The following NUP98 variants were observed in gnomAD, a reference collection of about 807,000 sequenced individuals.
The protein encoded by NUP98 is nucleoporin 98 and 96 precursor, also known as nuclear pore complex protein Nup98-Nup96.
Under a neutral mutation model 191.9 loss-of-function variants are expected in NUP98, and 26 were observed. The observed-to-expected ratio is 0.14, with a 90% CI of 0.10 to 0.19. The LOEUF (loss-of-function observed/expected upper bound fraction) is 0.19, where lower values mean the gene tolerates loss of function less well. NUP98 is among the 10% of genes least tolerant of loss of function. The pLI, the probability that NUP98 is intolerant of heterozygous loss-of-function variation, is 1.00. For synonymous variants in NUP98, 808 were observed against 778.4 expected (o/e 1.04, Z -0.63); for missense variants, 1,941 against 2,178.8 (o/e 0.89, Z 2.17).
chr11:3,785,123 G>A (rs1240431399), intron 1 of NUP98, among the ~76,000 whole-genome samples: 1 of 151,280 alleles, frequency 6.6e-6, no homozygotes, highest in Non-Finnish European at 1.5e-5. Context: ...GGGCAACACA[G>A]CGAGACTCTG....
intron 30 of NUP98, among the ~76,000 whole-genome samples, chr11:3,680,803 C>T: frequency 6.6e-6 from 1 of 152,108 alleles, no homozygotes; most frequent in East Asian, 1.9e-4. Context: ...TCATCTTGGC[C>T]CCCCAAAGTG....
chr11:3,720,930 A>G, intron 16 of NUP98, 105 bp from the exon 17 acceptor site: 1 of 603,926 alleles, frequency 1.7e-6, no homozygotes. Context: ...GAATTTTCCA[A>G]ACTACTTTTC....
At position 3,731,556 on chromosome 11, in the gene NUP98, G is replaced by C; in HGVS notation, c.1565C>G (p.Ala522Gly). 6.4e-7 allele frequency: 1 copy of C among 1,563,266 alleles called. No individual in the cohort carries two copies. The highest frequency in any genetic ancestry group is 8.7e-7 in the Non-Finnish European group (1 of 1,155,080). Residue 522 changes from alanine (A) to glycine (G), a missense_variant, in exon 14 of 33, where the codon GCA becomes GGA. Coordinates refer to ENST00000324932, the MANE Select transcript of NUP98 (RefSeq NM_016320.5). ...AGGTGTAGTAAGAGCCTTCTGGGCTGCTGGATTTGTTGGTTTCAATCTCTG... is the reference window on the plus strand; with the variant it reads ...AGGTGTAGTAAGAGCCTTCTGGGCTCCTGGATTTGTTGGTTTCAATCTCTG... Reference protein sequence around the residue: ...KEERLKPTNPAAQKALTTPTH... With the variant: ...KEERLKPTNPGAQKALTTPTH...
chr11:3,751,560 T>C (rs970345549), intron 11 of NUP98, among the ~76,000 whole-genome samples: 8 of 152,142 alleles, frequency 5.3e-5, no homozygotes, highest in African/African-American at 1.9e-4. Context: ...TTACCAGCAC[T>C]TACATCTTTT....
intron 11 of NUP98, among the ~76,000 whole-genome samples, chr11:3,745,256 C>T (rs533381002): frequency 1.3e-5 from 2 of 152,330 alleles, no homozygotes; most frequent in East Asian, 3.9e-4. Context: ...TATAGGAAAA[C>T]TAAATCCAAC....
At position 3,683,249 on chromosome 11, in the gene NUP98, A is replaced by C; in HGVS notation, c.4869T>G (p.Ala1623=). The C allele has an allele frequency of 6.2e-7, 1 of 1,614,206 alleles. No individual in the cohort carries two copies. The highest frequency in any genetic ancestry group is 1.1e-5 in the South Asian group (1 of 91,076). The part of the protein sequence containing the change: ...KHLEALCLFK[A]EHWNRCHKLI... ...GCTTGTGGCAGCGGTTCCAGTGCTC[A>C]GCCTTAAATAAGCAAAGGGCCTCTA... The change falls in exon 30 of 33, where the codon GCT becomes GCG. Residue 1623 remains alanine, a synonymous_variant. Coordinates refer to ENST00000324932, the MANE Select transcript of NUP98 (RefSeq NM_016320.5).
chr11:3,738,196 C>T (rs1263098141), intron 12 of NUP98, among the ~76,000 whole-genome samples: 2 of 150,454 alleles, frequency 1.3e-5, no homozygotes, highest in East Asian at 3.9e-4. Flanking sequence ...TTTGTGTTAA[C>T]TGTAGTATTT....
At chr11:3,761,789 A>T (rs912507231) in intron 9 of NUP98, among the ~76,000 whole-genome samples, 3 of 150,468 alleles carry the variant, frequency 2.0e-5, no homozygotes, top group Non-Finnish European at 4.4e-5. Context: ...AACAAAAAAC[A>T]AAACAAAAGC....
chr11:3,771,641 T>G (rs373169171), intron 7 of NUP98, 107 bp downstream of exon 7: 1 of 927,678 alleles, frequency 1.1e-6, no homozygotes, highest in African/African-American at 1.6e-5. Flanking sequence ...ATGGTATCCC[T>G]GAATTATTAT....
chr11:3,750,599 G>A (rs1362382184), intron 11 of NUP98, among the ~76,000 whole-genome samples: 2 of 151,980 alleles, frequency 1.3e-5, no homozygotes, highest in East Asian at 3.9e-4. Flanking sequence ...TTCATAAAAG[G>A]ATACTAACCT....
At position 3,700,666 on chromosome 11, in the gene NUP98, A is replaced by G. The variant is rs758491591; in HGVS notation, c.3686T>C (p.Ile1229Thr). ...LIVPNLGVAV[I>T]HDYADWVKEA... ...TTTAACCCAATCTGCATAGTCATGAATGACAGCAACTCCCAGATTGGGGAC... is the reference window on the plus strand; with the variant it reads ...TTTAACCCAATCTGCATAGTCATGAGTGACAGCAACTCCCAGATTGGGGAC... Residue 1229 changes from isoleucine to threonine, a missense_variant, in exon 24 of 33, where the codon ATT becomes ACT. By Grantham distance (89) the Ile-to-Thr change is moderately conservative (BLOSUM62 -1). Around this residue, in one of 6 missense-constraint regions of NUP98, gnomAD observed 1,030 missense variants for 1,115.8 expected, o/e 0.92. Transcript: ENST00000324932. 6.2e-7 allele frequency: 1 copy of G among 1,614,194 alleles called. No homozygotes were observed. The highest frequency in any genetic ancestry group is 8.5e-7 in the Non-Finnish European group (1 of 1,180,028).
chr11:3,688,840 TA>T (rs2078215948), intron 28 of NUP98, among the ~76,000 whole-genome samples: 2 of 146,858 alleles, frequency 1.4e-5, no homozygotes, highest in African/African-American at 2.5e-5. Context: ...TATATATATA[TA>T]TTTATAAGAA....
chr11:3,749,765 T>A (rs572703803), intron 11 of NUP98, among the ~76,000 whole-genome samples: 3 of 152,238 alleles, frequency 2.0e-5, no homozygotes, highest in Admixed American at 1.3e-4. Flanking sequence ...ATATTCACCT[T>A]TGCCAGTAAT....
chr11:3,740,218 T>C (rs964766569), intron 12 of NUP98, among the ~76,000 whole-genome samples: 1 of 151,900 alleles, frequency 6.6e-6, no homozygotes, highest in Non-Finnish European at 1.5e-5. Context: ...AAAGAATTAA[T>C]GGAAAGTCTA....
intron 12 of NUP98, among the ~76,000 whole-genome samples, chr11:3,735,850 C>A (rs61877589): frequency 3.0e-5 from 4 of 132,884 alleles, no homozygotes; most frequent in Non-Finnish European, 6.3e-5. Context: ...TGTGTGTGTG[C>A]GTGCGTGTAT....
chr11:3,712,421 T>C (rs2079046909), intron 20 of NUP98, 143 bp downstream of exon 20: 2 of 1,456,814 alleles, frequency 1.4e-6, no homozygotes, highest in African/African-American at 1.4e-5. Context: ...ACGCCCTCCC[T>C]TGCACTTGTT....
At chr11:3,725,262 G>A (rs758530131) in intron 14 of NUP98, 43 bp from the exon 15 acceptor site, 1 of 910,850 alleles carries the variant, frequency 1.1e-6, no homozygotes, top group Non-Finnish European at 1.8e-6. Context: ...AATTACTCAG[G>A]CATACAGATA....
chr11:3,781,799 A>T (rs576026573), intron 2 of NUP98, among the ~76,000 whole-genome samples: 1 of 152,310 alleles, frequency 6.6e-6, no homozygotes, highest in South Asian at 2.1e-4. Flanking sequence ...CTGTCAACCA[A>T]AATAATATAA....
At chr11:3,714,434 GACT>G (rs1176128946) in intron 18 of NUP98, among the ~76,000 whole-genome samples, 1 of 152,166 alleles carries the variant, frequency 6.6e-6, no homozygotes, top group East Asian at 1.9e-4. Context: ...GTATGAAGAT[GACT>G]ACAAGAGTGG....
Sources: allele counts gnomAD v4.1 joint callset (sites outside exome capture counted in the v4.1 genomes callset), GRCh38; gene constraint gnomAD v4.1.1; regional missense constraint gnomAD v4.1.1; transcripts MANE v1.5; gene names NCBI Gene and HGNC (gene_info 2026-07-23, HGNC 2026-07-21).